CDC42BPB: variants seen among roughly 807,000 people sequenced by gnomAD.
CDC42BPB encodes the protein serine/threonine-protein kinase MRCK beta.
CDC42BPB carries 37 observed loss-of-function variants against 214.9 expected under a neutral mutation model. The ratio of observed to expected loss-of-function variants is 0.17; its 90% CI spans 0.13 to 0.23. CDC42BPB has a LOEUF of 0.23. Among genes scored for constraint, CDC42BPB ranks in the 10% least tolerant of loss-of-function variants. The probability of loss-of-function intolerance (pLI) is 1.00; values close to 1 mark genes in which losing one functional copy is unlikely to be tolerated. For synonymous variants in CDC42BPB, 931 were observed against 884.0 expected (o/e 1.05, Z -0.94); for missense variants, 1,694 against 2,227.0 (o/e 0.76, Z 4.82).
Position 102,944,563 on chromosome 14 carries a change from G to A in CDC42BPB, c.3812-76C>T. 6.5e-7 allele frequency: 1 copy of A among 1,543,044 alleles called. No individual in the cohort carries two copies. Among genetic ancestry groups the A allele is most frequent in the Non-Finnish European group, 8.7e-7 (1 of 1,145,596 alleles). On this transcript the variant is annotated intron_variant, in intron 29 of 36. Coordinates refer to ENST00000361246, the MANE Select transcript of CDC42BPB (RefSeq NM_006035.4). This position sits in a 1 kb window ranked among gnomAD's most constrained non-coding sequence, Gnocchi z 6.6. ...CCAGGGGCTGACGGCCTTGGCTAAA[G>A]ACTTGCCTGGAACACTCTGGGGCCC...
intron 4 of CDC42BPB, among the ~76,000 whole-genome samples, chr14:103,003,456 C>T (rs1002421428): frequency 7.2e-5 from 11 of 152,202 alleles, no homozygotes; most frequent in Admixed American, 2.0e-4. Flanking sequence ...ACACAGGCAG[C>T]GTGGAGACTA....
At chr14:103,008,988 C>A in intron 2 of CDC42BPB, among the ~76,000 whole-genome samples, 1 of 152,226 alleles carries the variant, frequency 6.6e-6, no homozygotes, top group East Asian at 1.9e-4. Flanking sequence ...TTGGACTTTC[C>A]AGTTTCTACC....
At position 102,938,269 on chromosome 14, in the gene CDC42BPB, CT is replaced by C. The variant is rs751775532; in HGVS notation, c.4933+36del. On this transcript the variant is annotated intron_variant, in intron 35 of 36. Coordinates refer to ENST00000361246, the MANE Select transcript of CDC42BPB (RefSeq NM_006035.4). ...CATTCCAGCACCCCCTACCCCCCAC[CT>C]CCCCCAGGGCTGCGGGGGCCAGGCT... is the stretch of plus-strand genomic sequence containing the variant. The C allele has an allele frequency of 4.4e-6, 7 of 1,600,984 alleles. No homozygotes were observed. In the East Asian group the frequency reaches 1.6e-4, roughly 36 times the overall value.
rs757883978 is a variant in CDC42BPB, at chr14:102,947,833, G to C, written c.3450-31C>G. 7.4e-6 allele frequency: 12 copies of C among 1,611,190 alleles called. No individual in the cohort carries two copies. In the African/African-American group the frequency reaches 1.3e-4, roughly 18 times the overall value. On this transcript the variant is annotated intron_variant, in intron 26 of 36. Transcript: ENST00000361246. ...AAGGAAGAAACATTGACCCCGCTGG[G>C]AGACACGCGCACAGGACCCAAGGCC...
At chr14:102,954,342 G>A in intron 22 of CDC42BPB, 67 bp from the exon 23 acceptor site, 1 of 1,438,524 alleles carries the variant, frequency 7.0e-7, no homozygotes, top group South Asian at 1.4e-5. Flanking sequence ...TGGCCCTACG[G>A]GGTGCACTTC....
intron 22 of CDC42BPB, 116 bp from the exon 23 acceptor site, chr14:102,954,391 TA>T (rs1424810782): frequency 6.9e-7 from 1 of 1,443,728 alleles, no homozygotes; most frequent in Admixed American, 2.9e-5. Flanking sequence ...TCTGCATTTT[TA>T]ATTTGCTACA....
At chr14:102,992,885 GAC>G (rs1164864577) in intron 5 of CDC42BPB, among the ~76,000 whole-genome samples, 12 of 151,464 alleles carry the variant, frequency 7.9e-5, no homozygotes, top group African/African-American at 2.9e-4. Context: ...GGAGTGCAGT[GAC>G]ACAATCTCAG....
intron 1 of CDC42BPB, among the ~76,000 whole-genome samples, chr14:103,032,660 T>A (rs1595171445): frequency 7.5e-6 from 1 of 133,952 alleles, no homozygotes. Flanking sequence ...TGAGACGGAG[T>A]CTCGCTCTGT....
chr14:102,968,533 G>A lies in CDC42BPB; in HGVS notation c.2179C>T (p.Leu727=). The change falls in exon 15 of 37, where the codon CTG becomes TTG. Residue 727 remains leucine (L), a synonymous_variant. Transcript: ENST00000361246. The part of the protein sequence containing the change: ...KEVHDSESHQ[L]ALQKEILMLK... ...ATCAAGATTTCTTTCTGCAGGGCCA[G>A]CTGGTGGCTTTCTGAATCATGCACC... 1 of 1,614,178 alleles carries A rather than the reference G, an allele frequency of 6.2e-7. No homozygotes were observed. Among genetic ancestry groups the A allele is most frequent in the Non-Finnish European group, 8.5e-7 (1 of 1,180,050 alleles).
At position 103,057,317 on chromosome 14, in the gene CDC42BPB, C is replaced by T; in HGVS notation, c.-144G>A. 1.9e-6 allele frequency: 2 copies of T among 1,046,256 alleles called. No homozygotes were observed. Among genetic ancestry groups the T allele is most frequent in the South Asian group, 4.5e-5 (1 of 22,356 alleles). The allele number at this position is 1,046,256 out of a possible 1,614,324, so 64.8% of individuals were successfully genotyped here. A position where few individuals can be genotyped will look rare whatever the true frequency, so the allele number is the denominator to read the frequency against. ...CCGCCCCGTCCGCGTCGTCGCGCCC[C>T]GGCCTAGGCCGACATCTTGGGCTCC... On this transcript the variant is annotated 5_prime_UTR_variant, in exon 1 of 37. Transcript: ENST00000361246.
intron 1 of CDC42BPB, among the ~76,000 whole-genome samples, chr14:103,030,543 A>T (rs1372428113): frequency 6.6e-6 from 1 of 152,158 alleles, no homozygotes; most frequent in African/African-American, 2.4e-5. Flanking sequence ...TAAAAATATA[A>T]AAATTAGCTG....
rs1893624321 is a variant in CDC42BPB, at chr14:102,974,163, G to A, written c.1508-14C>T. ...GCCTGTTTGAATCTGGACAAAAGAGGAAATAAACTCTGTTCCTTTATGTGC... is the reference window on the plus strand; with the variant it reads ...GCCTGTTTGAATCTGGACAAAAGAGAAAATAAACTCTGTTCCTTTATGTGC... On this transcript the variant is annotated splice_polypyrimidine_tract_variant and intron_variant, in intron 11 of 36. Coordinates refer to ENST00000361246, the MANE Select transcript of CDC42BPB (RefSeq NM_006035.4). 6.2e-7 allele frequency: 1 copy of A among 1,612,308 alleles called. No individual in the cohort carries two copies. Among genetic ancestry groups the A allele is most frequent in the African/African-American group, 1.3e-5 (1 of 74,978 alleles).
rs35183543 is a variant in CDC42BPB, at chr14:102,943,383, G to A, written c.4408+508C>T. The stretch of plus-strand genomic sequence containing the variant: ...ATAGAGAAAGTCATGCCAACTAGGC[G>A]AATTCAGTGACCCAACTGTTTGAAA... On this transcript the variant is annotated intron_variant, in intron 30 of 36. Transcript: ENST00000361246. The surrounding 1 kb of genome is among the most constrained non-coding windows in gnomAD (Gnocchi z 4.6). 0.044 allele frequency among the ~76,000 whole-genome samples: 6,671 copies of A among 152,236 alleles called. 480 individuals carry two copies. Among genetic ancestry groups the A allele is most frequent in the African/African-American group, 0.15 (6,198 of 41,496 alleles).
rs1279658507 is a variant in CDC42BPB at position 103,001,428 on chromosome 14, G to A, written c.448-1715C>T. Among the ~76,000 whole-genome samples the A allele has an allele frequency of 6.6e-6, 1 of 152,196 alleles. No homozygotes were observed. Among genetic ancestry groups the A allele is most frequent in the African/African-American group, 2.4e-5 (1 of 41,446 alleles). On this transcript the variant is annotated intron_variant, in intron 4 of 36. Coordinates refer to ENST00000361246, the MANE Select transcript of CDC42BPB (RefSeq NM_006035.4). The surrounding 1 kb of genome is among the most constrained non-coding windows in gnomAD (Gnocchi z 5.8). ...GCCTGGTGAGGTGCCCAGGCCAGAG[G>A]TTGCCAAGCAGAGGCCTGAGGGGAG...
Position 103,003,652 on chromosome 14 carries a change from C to G in CDC42BPB, c.447+276G>C, listed in dbSNP as rs530777328. ...CAATAATCCAAGATTGAAAGTGTTT[C>G]AAACTCCCAGCTGATTTAAATGTAA... is the stretch of plus-strand genomic sequence containing the variant. On this transcript the variant is annotated intron_variant, in intron 4 of 36. Coordinates refer to ENST00000361246, the MANE Select transcript of CDC42BPB (RefSeq NM_006035.4). Among the ~76,000 whole-genome samples the G allele has an allele frequency of 4.7e-4, 71 of 152,294 alleles. 1 individual carries two copies. The South Asian group carries it at 8.9e-3, about 19-fold the overall frequency.
chr14:103,045,494 C>T (rs944980809), intron 1 of CDC42BPB, among the ~76,000 whole-genome samples: 1 of 151,930 alleles, frequency 6.6e-6, no homozygotes, highest in African/African-American at 2.4e-5. Flanking sequence ...TCCAGCCACC[C>T]GAGGAGCAGG....
chr14:103,038,732 T>C (rs1173589737), intron 1 of CDC42BPB, among the ~76,000 whole-genome samples: 6 of 48,590 alleles, frequency 1.2e-4, no homozygotes, highest in Admixed American at 2.7e-4. Context: ...GGGGGGCGGG[T>C]CTCATTATGT....
chr14:102,974,231 G>A, intron 11 of CDC42BPB, 82 bp from the exon 12 acceptor site: 2 of 1,457,792 alleles, frequency 1.4e-6, no homozygotes, highest in South Asian at 1.2e-5. Context: ...TTACTGACAG[G>A]AAATTATTTA....
rs896876058 is a variant in CDC42BPB, at chr14:102,976,149, A to G, written c.1221-100T>C. On this transcript the variant is annotated intron_variant, in intron 9 of 36. Transcript: ENST00000361246. ...AGGTGAAAGATAGTCTTTTTAAATC[A>G]GCAAACAAAAACACCTGAGATAAGA... 22 of 1,520,036 alleles carry G rather than the reference A, an allele frequency of 1.4e-5. No individual in the cohort carries two copies. The African/African-American group carries it at 2.4e-4, about 16-fold the overall frequency. 94.2% of individuals were successfully genotyped at this position (1,520,036 alleles called of 1,614,324 possible).
Sources: allele counts gnomAD v4.1 joint callset (sites outside exome capture counted in the v4.1 genomes callset), GRCh38; gene constraint gnomAD v4.1.1; non-coding constraint Gnocchi (gnomAD v3.1); transcripts MANE v1.5; gene names NCBI Gene and HGNC (gene_info 2026-07-23, HGNC 2026-07-21).